NEMF: variants seen among roughly 807,000 people sequenced by gnomAD.
NEMF encodes the protein nuclear export mediator factor.
A neutral mutation model predicts 162.2 loss-of-function variants in NEMF; 89 were observed. That is an observed-to-expected ratio of 0.55 (90% CI 0.46 to 0.65). The LOEUF is 0.65. Ranked by LOEUF, NEMF falls within the 30% of genes least tolerant of loss-of-function variation. The pLI is 0.00. For missense variants in NEMF, 1,133 were observed against 1,261.9 expected (o/e 0.90, Z 1.55); for synonymous variants, 421 against 404.5 (o/e 1.04, Z -0.49).
In NEMF at chr14:49,784,936, G is replaced by C; in HGVS notation, c.3142C>G (p.Arg1048Gly). 6.2e-7 allele frequency: 1 copy of C among 1,613,282 alleles called. No homozygotes were observed. Among genetic ancestry groups the C allele is most frequent in the Non-Finnish European group, 8.5e-7 (1 of 1,179,480 alleles). The stretch of plus-strand genomic sequence containing the variant: ...AAGGAGAACTTTACCTTTACGCTGC[G>C]GAATAAGTCTTTTTCTCTTGCTGTT... The part of the protein sequence containing the change: ...EATAREKDLF[R>G]SVKDTDLSRN... The change falls in exon 32 of 33, where the codon CGC becomes GGC. Residue 1048 changes from arginine to glycine, a missense_variant. Coordinates refer to ENST00000298310, the MANE Select transcript of NEMF (RefSeq NM_004713.6).
At chr14:49,800,295 G>A (rs958615483) in intron 23 of NEMF, 125 bp downstream of exon 23, 2 of 805,914 alleles carry the variant, frequency 2.5e-6, no homozygotes, top group Non-Finnish European at 3.8e-6. Flanking sequence ...ATCAAATGTT[G>A]AAAAAGTATT....
intron 5 of NEMF, among the ~76,000 whole-genome samples, chr14:49,839,061 A>G (rs1372754611): frequency 1.6e-5 from 2 of 124,920 alleles, no homozygotes; most frequent in Non-Finnish European, 3.4e-5. Flanking sequence ...ATGCTGAAGC[A>G]TGTTAATTTT....
rs1893842065 is a variant in NEMF, at chr14:49,852,684, G to A, written c.59+11C>T. 1.2e-6 allele frequency: 2 copies of A among 1,614,180 alleles called. No homozygotes were observed. Among genetic ancestry groups the A allele is most frequent in the Middle Eastern group, 1.6e-4 (1 of 6,062 alleles). ...CTCCCCACACGAGCCTCGTCACTTA[G>A]GGTACTGTACCTAGCATTCAGCTCC... On this transcript the variant is annotated intron_variant, in intron 1 of 32. Coordinates refer to ENST00000298310, the MANE Select transcript of NEMF (RefSeq NM_004713.6).
At chr14:49,838,255 C>T in intron 5 of NEMF, 49 bp from the exon 6 acceptor site, 1 of 1,452,408 alleles carries the variant, frequency 6.9e-7, no homozygotes, top group South Asian at 1.1e-5. Context: ...ATAAACCTTA[C>T]AGCAATCTTC....
chr14:49,792,159 C>T (rs1890483709), intron 26 of NEMF, among the ~76,000 whole-genome samples: 1 of 151,708 alleles, frequency 6.6e-6, no homozygotes, highest in Admixed American at 6.6e-5. Flanking sequence ...AAAAAAGTCT[C>T]CTCACAAAAC....
In NEMF at chr14:49,789,542, T is replaced by G; in HGVS notation, c.2651A>C (p.Lys884Thr). 1.9e-6 allele frequency: 3 copies of G among 1,611,634 alleles called. No individual in the cohort carries two copies. Among genetic ancestry groups the G allele is most frequent in the Non-Finnish European group, 2.5e-6 (3 of 1,179,470 alleles). Residue 884 changes from lysine (K) to threonine (T), a missense_variant, in exon 27 of 33, where the codon AAA (lysine) becomes ACA (threonine). Physicochemically the swap from Lys to Thr is moderately conservative, Grantham distance 78. Around this residue, in one of 3 missense-constraint regions of NEMF, gnomAD observed 532 missense variants for 578.6 expected, o/e 0.92. Coordinates refer to ENST00000298310, the MANE Select transcript of NEMF (RefSeq NM_004713.6). ...TTCACGGTCTTCTTCATCCTGGTCT[T>G]TGTATTTTTCTTTCATTTTTTTCAT... ...SKMKKMKEKY[K>T]DQDEEDRELI...
chr14:49,790,036 C>G (rs916980223), intron 26 of NEMF, among the ~76,000 whole-genome samples: 3 of 152,118 alleles, frequency 2.0e-5, no homozygotes, highest in African/African-American at 7.2e-5. Flanking sequence ...ATTACATCCC[C>G]AAATCACTCT....
chr14:49,802,334 T>G, intron 22 of NEMF, 119 bp downstream of exon 22: 1 of 1,117,092 alleles, frequency 9.0e-7, no homozygotes, highest in Non-Finnish European at 1.3e-6. Context: ...GTACTTTGGG[T>G]TTTCGGGGTT....
chr14:49,810,944 G>A (rs1891448223), intron 18 of NEMF, among the ~76,000 whole-genome samples: 2 of 152,050 alleles, frequency 1.3e-5, no homozygotes, highest in Admixed American at 6.5e-5. Flanking sequence ...TGAGCCAATC[G>A]CACCACTTTA....
intron 6 of NEMF, among the ~76,000 whole-genome samples, chr14:49,836,897 A>G (rs746792010): frequency 2.1e-4 from 32 of 152,310 alleles, no homozygotes; most frequent in Non-Finnish European, 4.6e-4. Flanking sequence ...GATTTTATAC[A>G]ATATTTTAAA....
chr14:49,810,774 C>T (rs1462389718), intron 18 of NEMF, among the ~76,000 whole-genome samples: 2 of 152,142 alleles, frequency 1.3e-5, no homozygotes, highest in African/African-American at 2.4e-5. Flanking sequence ...ATGGACTGCT[C>T]GAGCTCAGGA....
rs184486728 is a variant in NEMF, at chr14:49,812,063, T to A, written c.1744+1925A>T. Among the ~76,000 whole-genome samples the A allele has an allele frequency of 5.6e-4, 85 of 152,312 alleles. 1 individual carries two copies. The East Asian group carries it at 0.013, about 23-fold the overall frequency. On this transcript the variant is annotated intron_variant, in intron 18 of 32. Coordinates refer to ENST00000298310, the MANE Select transcript of NEMF (RefSeq NM_004713.6). ...GGGTTTTCTTTGATGAGTATTTTTTTAATGTTTTTCTTTATTATTAATCCA... is the reference window on the plus strand; with the variant it reads ...GGGTTTTCTTTGATGAGTATTTTTTAAATGTTTTTCTTTATTATTAATCCA...
At position 49,814,027 on chromosome 14, in the gene NEMF, G is replaced by T; in HGVS notation, c.1705C>A (p.Leu569Ile). The T allele has an allele frequency of 6.5e-7, 1 of 1,547,600 alleles. No homozygotes were observed. Among genetic ancestry groups the T allele is most frequent in the Non-Finnish European group, 8.9e-7 (1 of 1,119,702 alleles). Residue 569 changes from leucine (L) to isoleucine (I), a missense_variant, in exon 18 of 33, where the codon CTT (leucine) becomes ATT (isoleucine). Transcript: ENST00000298310. ...ATTACACAGCTAGTAGCTCCATGAA[G>T]ATCAGCATGTACATAAATGTCTCCT... ...TPGDIYVHAD[L>I]HGATSCVIKN...
Position 49,814,872 on chromosome 14 carries a change from G to C in NEMF, c.1578-15C>G. ...ATTTCTCAAACCTATCAAAATGAAA[G>C]AAAAAAAGTTAACTTTTCTTTATAG... is the stretch of plus-strand genomic sequence containing the variant. On this transcript the variant is annotated splice_polypyrimidine_tract_variant and intron_variant, in intron 16 of 32. Coordinates refer to ENST00000298310, the MANE Select transcript of NEMF (RefSeq NM_004713.6). The C allele has an allele frequency of 6.9e-7, 1 of 1,454,362 alleles. No homozygotes were observed. The highest frequency in any genetic ancestry group is 1.3e-5 in the South Asian group (1 of 79,544). The allele number at this position is 1,454,362 out of a possible 1,614,324, so 90.1% of individuals were successfully genotyped here. A position where few individuals can be genotyped will look rare whatever the true frequency, so the allele number is the denominator to read the frequency against.
At chr14:49,834,614 C>G (rs1010812557) in intron 6 of NEMF, among the ~76,000 whole-genome samples, 165 bp from the exon 7 acceptor site, 1 of 152,126 alleles carries the variant, frequency 6.6e-6, no homozygotes, top group African/African-American at 2.4e-5. Context: ...TCCTGAGTAG[C>G]TGGGATCACA....
intron 3 of NEMF, among the ~76,000 whole-genome samples, chr14:49,849,917 T>A (rs1893688388): frequency 1.3e-5 from 2 of 152,196 alleles, no homozygotes; most frequent in Non-Finnish European, 1.5e-5. Context: ...GCCCTTGTGA[T>A]ATGGAAACAC....
At chr14:49,810,746 T>G (rs1024296094) in intron 18 of NEMF, among the ~76,000 whole-genome samples, 3 of 152,170 alleles carry the variant, frequency 2.0e-5, no homozygotes, top group Admixed American at 2.0e-4. Flanking sequence ...ATCCCAGTAC[T>G]TTAGGAGGTC....
chr14:49,821,559 G>A (rs1375937294), intron 16 of NEMF, among the ~76,000 whole-genome samples: 8 of 77,212 alleles, frequency 1.0e-4, no homozygotes, highest in African/African-American at 3.3e-4. Context: ...CCCTCTGCCC[G>A]GCCAGCCGCC....
At chr14:49,827,648 A>G (rs2139960194) in intron 15 of NEMF, among the ~76,000 whole-genome samples, 1 of 152,226 alleles carries the variant, frequency 6.6e-6, no homozygotes, top group Admixed American at 6.5e-5. Flanking sequence ...CCCTGTCTCT[A>G]CTAAAACTAC....
Sources: gnomAD v4.1 joint callset for allele counts (sites outside exome capture counted in the v4.1 genomes callset) on GRCh38, gnomAD v4.1.1 for gene constraint, gnomAD v4.1.1 regional missense constraint, MANE v1.5 for transcripts, NCBI Gene and HGNC (gene_info 2026-07-23, HGNC 2026-07-21) for gene names.